Variants in DENND5B observed in about 807,000 individuals in gnomAD.
DENND5B encodes DENN domain containing 5B.
DENND5B carries 34 observed loss-of-function variants against 140.6 expected under a neutral mutation model. That is an observed-to-expected ratio of 0.24 (90% confidence interval 0.18 to 0.32). The LOEUF is 0.32. DENND5B is among the 10% of genes least tolerant of loss of function. DENND5B has a pLI of 1.00. For synonymous variants in DENND5B, 551 were observed against 562.1 expected, an observed-to-expected ratio of 0.98 and a Z score of 0.28; for missense variants, 1,142 against 1,560.2, an observed-to-expected ratio of 0.73 and a Z score of 4.52.
chr12:31,413,593 T>G, intron 12 of DENND5B, 29 bp from the exon 13 acceptor site: 1 of 1,600,122 alleles, frequency 6.2e-7, no homozygotes, highest in African/African-American at 1.3e-5. Flanking sequence ...AGCAAAGATG[T>G]AGATTTTAAG....
At chr12:31,472,289 A>T (rs1256731273) in intron 3 of DENND5B, among the ~76,000 whole-genome samples, 1 of 152,060 alleles carries the variant, frequency 6.6e-6, no homozygotes, top group Non-Finnish European at 1.5e-5. Flanking sequence ...CCTTGATGGG[A>T]CTGAAACAAA....
intron 1 of DENND5B, among the ~76,000 whole-genome samples, chr12:31,581,088 G>C (rs535155006): frequency 2.6e-5 from 4 of 152,024 alleles, no homozygotes; most frequent in African/African-American, 9.6e-5. Context: ...CTGGACAACA[G>C]AGCAAGACCC....
chr12:31,526,290 CACAA>C (rs1313778719), intron 1 of DENND5B, among the ~76,000 whole-genome samples: 2 of 152,132 alleles, frequency 1.3e-5, no homozygotes, highest in East Asian at 1.9e-4. Flanking sequence ...ATTAAAATGT[CACAA>C]ACAGTTAATG....
At chr12:31,512,200 T>G (rs550726971) in intron 1 of DENND5B, among the ~76,000 whole-genome samples, 86 of 151,116 alleles carry the variant, frequency 5.7e-4, no homozygotes, top group African/African-American at 1.9e-3. Flanking sequence ...CAGGCGTGAG[T>G]CACCGCACCA....
intron 1 of DENND5B, among the ~76,000 whole-genome samples, chr12:31,510,568 C>T (rs1208904483): frequency 2.0e-5 from 3 of 152,206 alleles, no homozygotes; most frequent in African/African-American, 7.2e-5. Flanking sequence ...TCCTTGCAAG[C>T]TGTCAGCCAG....
chr12:31,566,300 C>T (rs1190407242), intron 1 of DENND5B, among the ~76,000 whole-genome samples: 5 of 150,722 alleles, frequency 3.3e-5, no homozygotes, highest in African/African-American at 9.8e-5. Context: ...TACTGCATTC[C>T]GGCCAGGGAA....
intron 3 of DENND5B, among the ~76,000 whole-genome samples, chr12:31,461,699 G>A (rs1181141271): frequency 6.6e-6 from 1 of 152,148 alleles, no homozygotes; most frequent in Non-Finnish European, 1.5e-5. Context: ...TTCAGGTCTG[G>A]TTTTGCTGAT....
chr12:31,587,198 T>C (rs79329332), intron 1 of DENND5B, among the ~76,000 whole-genome samples: 1,723 of 152,278 alleles, frequency 0.011, 19 homozygotes, highest in East Asian at 0.032. Flanking sequence ...AGTCCAGATC[T>C]TCCCCCAAGA....
chr12:31,441,069 C>T (rs1250141291), intron 7 of DENND5B, among the ~76,000 whole-genome samples: 14 of 151,842 alleles, frequency 9.2e-5, no homozygotes, highest in Non-Finnish European at 1.3e-4. Flanking sequence ...GGGGCTTGGC[C>T]TGGTGGCTCA....
chr12:31,454,175 C>G (rs1944665107), intron 4 of DENND5B, among the ~76,000 whole-genome samples: 1 of 151,886 alleles, frequency 6.6e-6, no homozygotes, highest in Non-Finnish European at 1.5e-5. Flanking sequence ...CGGTTTCCCT[C>G]CTTTCAAAGC....
At chr12:31,499,169 A>C (rs1172294399) in intron 1 of DENND5B, among the ~76,000 whole-genome samples, 3 of 152,110 alleles carry the variant, frequency 2.0e-5, no homozygotes, top group Admixed American at 6.5e-5. Flanking sequence ...GAAAATAACC[A>C]AGTCTAAGAA....
At chr12:31,499,897 A>T (rs1946937160) in intron 1 of DENND5B, among the ~76,000 whole-genome samples, 1 of 152,254 alleles carries the variant, frequency 6.6e-6, no homozygotes, top group Non-Finnish European at 1.5e-5. Context: ...AAATGCTATT[A>T]AATATCTCTA....
chr12:31,404,910 C>T (rs1268675166), intron 14 of DENND5B, among the ~76,000 whole-genome samples: 1 of 151,906 alleles, frequency 6.6e-6, no homozygotes, highest in Non-Finnish European at 1.5e-5. Context: ...CAACTGCACA[C>T]CACCACGGCC....
chr12:31,427,309 T>C (rs951467561), intron 8 of DENND5B, among the ~76,000 whole-genome samples: 2 of 152,066 alleles, frequency 1.3e-5, no homozygotes, highest in Non-Finnish European at 2.9e-5. Flanking sequence ...ATGCTGTCTA[T>C]AAAAGTTCAT....
At chr12:31,583,505 C>T (rs1592096897) in intron 1 of DENND5B, among the ~76,000 whole-genome samples, 3 of 151,508 alleles carry the variant, frequency 2.0e-5, no homozygotes, top group Admixed American at 2.0e-4. Flanking sequence ...GATGAAACTC[C>T]GTCTCTACCA....
rs1410669026 is a variant in DENND5B at position 31,493,923 on chromosome 12, A to AT, written c.237+1886dup. ...CTTTAATCATTTCTGTATCTTTTTT[A>AT]TTTTTTTCCCATTCTTACGTATATA... is the stretch of plus-strand genomic sequence containing the variant. On this transcript the variant is annotated intron_variant, in intron 2 of 20. Transcript: ENST00000389082. Among the ~76,000 whole-genome samples the AT allele has an allele frequency of 7.9e-5, 12 of 152,024 alleles. No individual in the cohort carries two copies. In the South Asian group the frequency reaches 2.5e-3, roughly 32 times the overall value.
intron 2 of DENND5B, among the ~76,000 whole-genome samples, chr12:31,490,159 C>T (rs10743757): frequency 0.56 from 83,746 of 150,390 alleles, 23,710 homozygotes; most frequent in East Asian, 0.82. Flanking sequence ...ACTGGTGGGA[C>T]GAATAATGAA....
chr12:31,435,629 C>T (rs991922021), intron 7 of DENND5B, among the ~76,000 whole-genome samples: 1 of 150,152 alleles, frequency 6.7e-6, no homozygotes. Context: ...AAATCATCTA[C>T]TTCCCTTGAA....
intron 6 of DENND5B, among the ~76,000 whole-genome samples, chr12:31,444,714 TA>T (rs1410312821): frequency 1.3e-5 from 2 of 152,120 alleles, no homozygotes; most frequent in African/African-American, 4.8e-5. Flanking sequence ...AAGGGAGAAA[TA>T]AAATTTGTGC....
Sources: allele counts gnomAD v4.1 joint callset (sites outside exome capture counted in the v4.1 genomes callset), GRCh38; gene constraint gnomAD v4.1.1; transcripts MANE v1.5; gene names NCBI Gene and HGNC (gene_info 2026-07-23, HGNC 2026-07-21).